CREB5: variants seen among roughly 807,000 people sequenced by gnomAD.
The protein encoded by CREB5 is cyclic AMP-responsive element-binding protein 5.
A neutral mutation model predicts 57.1 loss-of-function variants in CREB5; 19 were observed. The ratio of observed to expected loss-of-function variants is 0.33; its 90% CI spans 0.23 to 0.49. The LOEUF is 0.49. CREB5 is among the 20% of genes least tolerant of loss of function. The pLI, the probability that CREB5 is intolerant of heterozygous loss-of-function variation, is 0.99. For missense variants in CREB5, 579 were observed against 671.6 expected (o/e 0.86, Z 1.52); for synonymous variants, 238 against 238.3 (o/e 1.00, Z 0.01).
At chr7:28,370,779 GTTCCC>G (rs1336038152) in intron 1 of CREB5, among the ~76,000 whole-genome samples, 1 of 152,154 alleles carries the variant, frequency 6.6e-6, no homozygotes, top group Non-Finnish European at 1.5e-5. Context: ...GCAGTAGAAA[GTTCCC>G]CAGAGCTGCC....
At chr7:28,711,970 G>C (rs942249871) in intron 5 of CREB5, among the ~76,000 whole-genome samples, 2 of 152,132 alleles carry the variant, frequency 1.3e-5, no homozygotes, top group African/African-American at 4.8e-5. Flanking sequence ...ATATTCAACT[G>C]CTCATTTAGT....
intron 1 of CREB5, among the ~76,000 whole-genome samples, chr7:28,452,329 A>G (rs1482966985): frequency 6.6e-6 from 1 of 152,216 alleles, no homozygotes; most frequent in Non-Finnish European, 1.5e-5. Flanking sequence ...TCTGACAAAT[A>G]TTTTATAGTA....
intron 5 of CREB5, among the ~76,000 whole-genome samples, chr7:28,635,168 A>C (rs1042851501): frequency 7.9e-5 from 12 of 152,228 alleles, no homozygotes; most frequent in African/African-American, 2.4e-4. Context: ...ACTATAGTAC[A>C]TGAAGGCAAG....
intron 1 of CREB5, among the ~76,000 whole-genome samples, chr7:28,340,761 C>A (rs1785921287): frequency 1.3e-5 from 2 of 152,146 alleles, no homozygotes; most frequent in Admixed American, 6.5e-5. Context: ...ATTTAGGACC[C>A]CAGAACACTT....
intron 7 of CREB5, among the ~76,000 whole-genome samples, chr7:28,760,283 C>T (rs1186816992): frequency 1.3e-5 from 2 of 152,120 alleles, no homozygotes; most frequent in Non-Finnish European, 1.5e-5. Flanking sequence ...TTTCCTCTCC[C>T]AGGAGACTCA....
At chr7:28,812,745 A>G (rs569476923) in intron 9 of CREB5, among the ~76,000 whole-genome samples, 1 of 152,284 alleles carries the variant, frequency 6.6e-6, no homozygotes, top group Admixed American at 6.5e-5. Flanking sequence ...AGATTCCGCT[A>G]CCTTTGAATG....
At chr7:28,637,303 C>A (rs1427908476) in intron 5 of CREB5, among the ~76,000 whole-genome samples, 2 of 152,150 alleles carry the variant, frequency 1.3e-5, no homozygotes, top group African/African-American at 4.8e-5. Context: ...TTCATTTATT[C>A]ATTCACTCAA....
chr7:28,686,278 GTCC>G lies in CREB5; in HGVS notation c.465-32460_465-32458del, dbSNP rs897734788. The G allele has an allele frequency of 3.9e-4, 393 of 996,302 alleles. 1 individual carries two copies. Among genetic ancestry groups the G allele is most frequent in the African/African-American group, 1.4e-3 (87 of 62,218 alleles). The allele number at this position is 996,302 out of a possible 1,614,324, so 61.7% of individuals were successfully genotyped here. A position where few individuals can be genotyped will look rare whatever the true frequency, so the allele number is the denominator to read the frequency against. ...TACTGCCTTCTGTTTTTGAGCCTTC[GTCC>G]TCCTCCTCCTCCTCTTCATTTTCTC... On this transcript the variant is annotated intron_variant, in intron 5 of 10. Coordinates refer to ENST00000357727, the MANE Select transcript of CREB5 (RefSeq NM_182898.4).
At chr7:28,571,091 G>A (rs1795683203) in intron 5 of CREB5, among the ~76,000 whole-genome samples, 1 of 152,068 alleles carries the variant, frequency 6.6e-6, no homozygotes, top group Non-Finnish European at 1.5e-5. Context: ...GCTATTAAGT[G>A]ACTACTGGGT....
chr7:28,482,950 G>T (rs1049461023), intron 1 of CREB5, among the ~76,000 whole-genome samples: 5 of 152,210 alleles, frequency 3.3e-5, no homozygotes, highest in African/African-American at 4.8e-5. Context: ...CATCTGCTGT[G>T]AATGGAGGAA....
intron 5 of CREB5, among the ~76,000 whole-genome samples, chr7:28,582,945 T>G (rs961522073): frequency 2.0e-5 from 3 of 152,166 alleles, no homozygotes; most frequent in African/African-American, 7.2e-5. Context: ...TCCCAGAACA[T>G]TGTAATGTGA....
At chr7:28,770,028 C>CGACA (rs1806235540) in intron 7 of CREB5, among the ~76,000 whole-genome samples, 1 of 152,160 alleles carries the variant, frequency 6.6e-6, no homozygotes, top group Non-Finnish European at 1.5e-5. Context: ...TGCTGGCCCG[C>CGACA]GACAGACAGG....
At position 28,334,340 on chromosome 7, in the gene CREB5, A is replaced by G. The variant is rs566831666; in HGVS notation, c.-25+34899A>G. Among the ~76,000 whole-genome samples, 3 of 152,130 alleles carry G rather than the reference A, an allele frequency of 2.0e-5. No homozygotes were observed. The East Asian group carries it at 5.8e-4, about 29-fold the overall frequency. On this transcript the variant is annotated intron_variant, in intron 1 of 9. Transcript: ENST00000396299. Reference sequence around the variant, plus strand: ...CTGGCTAATTTTTTGTATATTTAGTAGAGACGGGGTTTCACCATGTTGCCC... The same window carrying G: ...CTGGCTAATTTTTTGTATATTTAGTGGAGACGGGGTTTCACCATGTTGCCC...
rs1562798577 is a variant in CREB5, at chr7:28,561,017, C to CGTGCGT, written c.292-9345_292-9344insCGTGTG. Among the ~76,000 whole-genome samples the CGTGCGT allele has an allele frequency of 1.8e-3, 56 of 30,472 alleles. 2 individuals carry two copies. The highest frequency in any genetic ancestry group is 2.4e-3 in the South Asian group (2 of 838). The allele number at this position is 30,472 out of a possible 152,430, so 20.0% of individuals were successfully genotyped here. On this transcript the variant is annotated intron_variant, in intron 4 of 10. Coordinates refer to ENST00000357727, the MANE Select transcript of CREB5 (RefSeq NM_182898.4). ...GTGCCTGCGTGTGCGTGTGTGTGTGCGTGTGTGCGTGTGTGTGTGTGTGTG... is the reference window on the plus strand; with the variant it reads ...GTGCCTGCGTGTGCGTGTGTGTGTGCGTGCGTGTGTGTGCGTGTGTGTGTGTGTGTG...
At chr7:28,656,085 G>C (rs1181984606) in intron 5 of CREB5, among the ~76,000 whole-genome samples, 4 of 152,168 alleles carry the variant, frequency 2.6e-5, no homozygotes, top group Non-Finnish European at 2.9e-5. Context: ...AATAAATGGA[G>C]ATACGTTTAG....
At chr7:28,353,457 G>T (rs1358409485) in intron 1 of CREB5, among the ~76,000 whole-genome samples, 1 of 152,184 alleles carries the variant, frequency 6.6e-6, no homozygotes, top group Non-Finnish European at 1.5e-5. Context: ...TCTCCAGCAA[G>T]ATGTGAAGAA....
intron 7 of CREB5, among the ~76,000 whole-genome samples, chr7:28,802,523 A>G (rs1808433991): frequency 6.6e-6 from 1 of 152,262 alleles, no homozygotes. Flanking sequence ...TGAATCAGAT[A>G]AGAACACAAA....
chr7:28,649,800 AAATT>A (rs2128705980), intron 5 of CREB5, among the ~76,000 whole-genome samples: 1 of 152,348 alleles, frequency 6.6e-6, no homozygotes, highest in Non-Finnish European at 1.5e-5. Context: ...ATGAATAAAT[AAATT>A]ATGTTTGGAA....
At chr7:28,469,020 G>A (rs190653299) in intron 1 of CREB5, among the ~76,000 whole-genome samples, 24 of 152,224 alleles carry the variant, frequency 1.6e-4, no homozygotes, top group East Asian at 1.4e-3. Context: ...AACACCTAGC[G>A]TAGTTCCAGG....
Sources: allele counts gnomAD v4.1 joint callset (sites outside exome capture counted in the v4.1 genomes callset), GRCh38; gene constraint gnomAD v4.1.1; transcripts MANE v1.5; gene names NCBI Gene and HGNC (gene_info 2026-07-23, HGNC 2026-07-21).